Variants in UNC13C observed in about 807,000 individuals in gnomAD.
UNC13C encodes unc-13 homolog C.
A neutral mutation model predicts 245.4 loss-of-function variants in UNC13C; 174 were observed. The observed-to-expected ratio is 0.71, with a 90% CI of 0.63 to 0.80. The LOEUF (loss-of-function observed/expected upper bound fraction) is 0.80, where lower values mean the gene tolerates loss of function less well. Among genes scored for constraint, UNC13C ranks in the 30% least tolerant of loss-of-function variants. The pLI is 0.00. For missense variants in UNC13C, 2,829 were observed against 2,602.9 expected (o/e 1.09, Z -1.89); for synonymous variants, 992 against 895.1 (o/e 1.11, Z -1.93).
At chr15:54,264,450 C>T in intron 9 of UNC13C, 55 bp downstream of exon 9, 1 of 1,240,720 alleles carries the variant, frequency 8.1e-7, no homozygotes, top group Admixed American at 2.3e-5. Flanking sequence ...TTTATGTGCC[C>T]TAGAAATAAC....
At chr15:54,265,184 A>G (rs537012749) in intron 9 of UNC13C, among the ~76,000 whole-genome samples, 171 bp from the exon 10 acceptor site, 4 of 152,106 alleles carry the variant, frequency 2.6e-5, no homozygotes, top group Admixed American at 6.5e-5. Context: ...TTAATGTTGT[A>G]TATTTATTTT....
intron 12 of UNC13C, among the ~76,000 whole-genome samples, chr15:54,298,342 G>A (rs1277297635): frequency 2.6e-5 from 4 of 152,192 alleles, no homozygotes; most frequent in East Asian, 1.9e-4. Context: ...TGAGAACTCC[G>A]AGTTAGAGTT....
chr15:54,384,815 TA>T (rs912192100), intron 17 of UNC13C, among the ~76,000 whole-genome samples: 1 of 151,860 alleles, frequency 6.6e-6, no homozygotes, highest in African/African-American at 2.4e-5. Flanking sequence ...ATCTCAATAG[TA>T]AAAAATAATA....
intron 2 of UNC13C, among the ~76,000 whole-genome samples, chr15:54,103,840 G>A (rs1174087344): frequency 6.6e-6 from 1 of 152,108 alleles, no homozygotes. Flanking sequence ...ACAGTCCCGG[G>A]GTCAAATGAT....
At chr15:53,877,783 A>C in the UNC13C span, among the ~76,000 whole-genome samples, 1 of 152,194 alleles carries the variant, frequency 6.6e-6, no homozygotes, top group Non-Finnish European at 1.5e-5. Context: ...AAAGACATAG[A>C]CCACTTTCCT....
the UNC13C span, among the ~76,000 whole-genome samples, chr15:53,898,241 T>A: frequency 1.3e-5 from 2 of 152,132 alleles, no homozygotes; most frequent in Non-Finnish European, 2.9e-5. Flanking sequence ...CATCTTCTAC[T>A]GTTAAAGTTG....
chr15:54,567,961 A>G lies in UNC13C; in HGVS notation c.6106+14A>G, dbSNP rs763983074. 5.8e-5 allele frequency: 87 copies of G among 1,504,680 alleles called. No individual in the cohort carries two copies. Among genetic ancestry groups the G allele is most frequent in the Non-Finnish European group, 7.6e-5 (85 of 1,120,830 alleles). 93.2% of individuals were successfully genotyped at this position (1,504,680 alleles called of 1,614,324 possible). A position where few individuals can be genotyped will look rare whatever the true frequency, so the allele number is the denominator to read the frequency against. ...AAACCTCACAGAGTAAGTAACACAT[A>G]GGACCTGAGAATAAGGTAAACTGAA... is the stretch of plus-strand genomic sequence containing the variant. On this transcript the variant is annotated intron_variant, in intron 30 of 32. Transcript: ENST00000260323.
chr15:54,280,160 G>A (rs1171672084), intron 10 of UNC13C, among the ~76,000 whole-genome samples: 2 of 152,018 alleles, frequency 1.3e-5, no homozygotes, highest in Admixed American at 6.5e-5. Flanking sequence ...GGGTTCTGTG[G>A]TTCTGTGTAG....
At chr15:54,019,461 G>C (rs1021437162) in intron 2 of UNC13C, among the ~76,000 whole-genome samples, 5 of 152,172 alleles carry the variant, frequency 3.3e-5, no homozygotes, top group African/African-American at 9.6e-5. Flanking sequence ...TCAAATCCCT[G>C]GTTCATTTTA....
At chr15:54,202,424 A>G (rs1211237045) in intron 4 of UNC13C, among the ~76,000 whole-genome samples, 1 of 152,044 alleles carries the variant, frequency 6.6e-6, no homozygotes, top group Non-Finnish European at 1.5e-5. Flanking sequence ...AAACTATACT[A>G]TAAGCCATAG....
At chr15:54,545,201 G>C (rs199934490) in intron 26 of UNC13C, among the ~76,000 whole-genome samples, 1 of 152,142 alleles carries the variant, frequency 6.6e-6, no homozygotes, top group East Asian at 1.9e-4. Flanking sequence ...ATGGGGAAAC[G>C]ATTCCCTATT....
chr15:53,890,055 A>G, the UNC13C span, among the ~76,000 whole-genome samples: 2 of 151,560 alleles, frequency 1.3e-5, no homozygotes, highest in Non-Finnish European at 2.9e-5. Context: ...TATCAGGATG[A>G]TGCTGACTTC....
chr15:53,857,471 G>A, the UNC13C span, among the ~76,000 whole-genome samples: 151 of 152,268 alleles, frequency 9.9e-4, no homozygotes, highest in African/African-American at 3.5e-3. Context: ...ATTGGGACCA[G>A]AAGCTCAGAA....
At chr15:54,313,948 T>TA (rs35203835) in intron 13 of UNC13C, among the ~76,000 whole-genome samples, 38,833 of 151,058 alleles carry the variant, frequency 0.26, 6,340 homozygotes, top group African/African-American at 0.46. Context: ...CTTTTAGCCT[T>TA]AAAAAAAAGA....
intron 2 of UNC13C, among the ~76,000 whole-genome samples, chr15:54,077,891 TG>T (rs1398939135): frequency 6.6e-6 from 1 of 152,192 alleles, no homozygotes; most frequent in Non-Finnish European, 1.5e-5. Flanking sequence ...TGCAAAATGC[TG>T]GGGTTTGGGC....
intron 1 of UNC13C, among the ~76,000 whole-genome samples, chr15:54,007,166 C>A (rs2140983132): frequency 6.6e-6 from 1 of 152,292 alleles, no homozygotes; most frequent in South Asian, 2.1e-4. Context: ...TATTGAAAAG[C>A]AGAGGCTTTC....
Position 54,013,888 on chromosome 15 carries a change from G to T in UNC13C, c.985G>T (p.Glu329Ter). The T allele has an allele frequency of 6.2e-7, 1 of 1,613,292 alleles. No individual in the cohort carries two copies. The highest frequency in any genetic ancestry group is 8.5e-7 in the Non-Finnish European group (1 of 1,179,660). The stretch of plus-strand genomic sequence containing the variant: ...CCTGAGATTTTTAAATGTGACTGAA[G>T]AAAGATTTGAATATGTTGAAAGCGT... ...ASLRFLNVTEERFEYVESVVY... is the reference protein window; with the variant it reads ...ASLRFLNVTE The change falls in exon 2 of 33, where the codon GAA (glutamate) becomes TAA (stop). Residue 329 changes from glutamate to a stop codon, truncating the protein, a stop_gained. Coordinates refer to ENST00000260323, the MANE Select transcript of UNC13C (RefSeq NM_001080534.3). LOFTEE classifies it high-confidence loss of function.
intron 19 of UNC13C, among the ~76,000 whole-genome samples, chr15:54,456,761 G>A (rs926518046): frequency 6.6e-6 from 1 of 151,984 alleles, no homozygotes; most frequent in African/African-American, 2.4e-5. Flanking sequence ...TCGTTTATCA[G>A]ATCTAGGAGC....
intron 4 of UNC13C, among the ~76,000 whole-genome samples, chr15:54,183,346 G>A (rs1480756873): frequency 1.3e-5 from 2 of 150,992 alleles, no homozygotes. Context: ...GGAAGCAGAA[G>A]AGAATGTTTT....
Sources: gnomAD v4.1 joint callset for allele counts (sites outside exome capture counted in the v4.1 genomes callset) on GRCh38, gnomAD v4.1.1 for gene constraint, MANE v1.5 for transcripts, NCBI Gene and HGNC (gene_info 2026-07-23, HGNC 2026-07-21) for gene names.